The following ATXN1 variants were observed in gnomAD, a reference collection of about 807,000 sequenced individuals.
ATXN1 encodes ataxin 1, also known as ataxin-1.
A neutral mutation model predicts 56.4 loss-of-function variants in ATXN1; 8 were observed. That is an observed-to-expected ratio of 0.14 (90% CI 0.08 to 0.26). The LOEUF (loss-of-function observed/expected upper bound fraction) is 0.26. Ranked by LOEUF, ATXN1 falls within the 10% of genes least tolerant of loss-of-function variation. The probability of loss-of-function intolerance (pLI) is 1.00; values close to 1 mark genes in which losing one functional copy is unlikely to be tolerated. For missense variants in ATXN1, 987 were observed against 1,106.5 expected (o/e 0.89, Z 1.53); for synonymous variants, 514 against 494.6 (o/e 1.04, Z -0.52).
chr6:16,701,626 G>A (rs769931611), intron 2 of ATXN1, among the ~76,000 whole-genome samples: 7 of 152,130 alleles, frequency 4.6e-5, no homozygotes, highest in African/African-American at 1.2e-4. Context: ...GATAAGCAAC[G>A]TCAGCAAAGT....
In ATXN1 at chr6:16,347,163, G is replaced by A. The variant is rs553691701; in HGVS notation, c.-160-18693C>T. Among the ~76,000 whole-genome samples, 72 of 152,302 alleles carry A rather than the reference G, an allele frequency of 4.7e-4. No individual in the cohort carries two copies. The South Asian group carries it at 0.012, about 26-fold the overall frequency. ...CCTGTGCAGCCAGAGCCTCCCCGAC[G>A]AGCGCCGCCCCCTGCTCCACAGCGC... On this transcript the variant is annotated intron_variant, in intron 6 of 7. Transcript: ENST00000436367.
intron 6 of ATXN1, among the ~76,000 whole-genome samples, chr6:16,337,734 C>A (rs1761155525): frequency 6.6e-6 from 1 of 152,240 alleles, no homozygotes; most frequent in South Asian, 2.1e-4. Flanking sequence ...TGGTTGAAGG[C>A]TGGGAACAGT....
At chr6:16,374,169 G>T (rs1762102079) in intron 6 of ATXN1, among the ~76,000 whole-genome samples, 1 of 146,862 alleles carries the variant, frequency 6.8e-6, no homozygotes, top group Non-Finnish European at 1.5e-5. Context: ...CATAGACCCT[G>T]CTAAAAAGGA....
intron 6 of ATXN1, among the ~76,000 whole-genome samples, chr6:16,364,373 C>T (rs1370985480): frequency 6.6e-6 from 1 of 151,930 alleles, no homozygotes. Flanking sequence ...GGCGCGATCT[C>T]AGCTCACTGC....
chr6:16,535,347 T>C (rs1761576319), intron 4 of ATXN1, among the ~76,000 whole-genome samples: 2 of 152,210 alleles, frequency 1.3e-5, no homozygotes, highest in African/African-American at 2.4e-5. Flanking sequence ...AAGATGAGCA[T>C]GGAGCATCTT....
chr6:16,525,080 T>C (rs566867783), intron 4 of ATXN1, among the ~76,000 whole-genome samples: 1 of 152,214 alleles, frequency 6.6e-6, no homozygotes, highest in African/African-American at 2.4e-5. Flanking sequence ...ATTACCAGAA[T>C]GTGAGTACCT....
intron 6 of ATXN1, among the ~76,000 whole-genome samples, chr6:16,462,200 C>G (rs771612365): frequency 2.0e-5 from 3 of 152,146 alleles, no homozygotes; most frequent in Non-Finnish European, 2.9e-5. Context: ...CTCAGTAATC[C>G]TCTCTACCCC....
At chr6:16,355,811 G>A (rs563188057) in intron 6 of ATXN1, among the ~76,000 whole-genome samples, 7 of 152,030 alleles carry the variant, frequency 4.6e-5, no homozygotes, top group Admixed American at 1.3e-4. Context: ...TGATCCACCC[G>A]CCTTGGCCTC....
intron 6 of ATXN1, among the ~76,000 whole-genome samples, chr6:16,411,349 T>C (rs1272077799): frequency 6.6e-6 from 1 of 152,178 alleles, no homozygotes; most frequent in East Asian, 1.9e-4. Flanking sequence ...ATGACTTTAA[T>C]ATTGATATTG....
At position 16,693,438 on chromosome 6, in the gene ATXN1, T is replaced by C. The variant is rs558141828; in HGVS notation, c.-614-35537A>G. Among the ~76,000 whole-genome samples, 15 of 152,306 alleles carry C rather than the reference T, an allele frequency of 9.8e-5. No homozygotes were observed. In the East Asian group the frequency reaches 2.3e-3, roughly 24 times the overall value. On this transcript the variant is annotated intron_variant, in intron 2 of 7. Coordinates refer to ENST00000436367, the MANE Select transcript of ATXN1 (RefSeq NM_001128164.2). ...GCTTTGGAAGCTAAAAAGTGCTATA[T>C]ATACCATGTACATGTGAATTATCGT...
At chr6:16,311,832 GGT>G (rs1267005776) in intron 7 of ATXN1, among the ~76,000 whole-genome samples, 1 of 152,186 alleles carries the variant, frequency 6.6e-6, no homozygotes, top group East Asian at 1.9e-4. Context: ...AAAACTCTCA[GGT>G]GTTAACATCT....
At chr6:16,408,311 A>C (rs1388035802) in intron 6 of ATXN1, among the ~76,000 whole-genome samples, 2 of 152,204 alleles carry the variant, frequency 1.3e-5, no homozygotes, top group African/African-American at 2.4e-5. Flanking sequence ...GGCCTTGTGA[A>C]ATCTCAGTTA....
intron 6 of ATXN1, among the ~76,000 whole-genome samples, chr6:16,402,075 G>A (rs1758585112): frequency 6.6e-6 from 1 of 151,992 alleles, no homozygotes; most frequent in South Asian, 2.1e-4. Context: ...CCATTACCAC[G>A]AGAACAGCAT....
intron 2 of ATXN1, among the ~76,000 whole-genome samples, chr6:16,674,201 C>G (rs916617830): frequency 1.2e-4 from 19 of 152,212 alleles, no homozygotes; most frequent in Middle Eastern, 3.4e-3. Flanking sequence ...TATTCCCAGC[C>G]ACAGGCAAGG....
At chr6:16,338,002 A>G (rs1761161712) in intron 6 of ATXN1, among the ~76,000 whole-genome samples, 1 of 152,230 alleles carries the variant, frequency 6.6e-6, no homozygotes, top group Non-Finnish European at 1.5e-5. Flanking sequence ...AAGCATTCAC[A>G]TCCACTGTCC....
chr6:16,663,867 T>C (rs1027617228), intron 2 of ATXN1, among the ~76,000 whole-genome samples: 4 of 152,102 alleles, frequency 2.6e-5, no homozygotes, highest in African/African-American at 9.7e-5. Flanking sequence ...GGAATATTCT[T>C]TATTTTGGTC....
intron 2 of ATXN1, among the ~76,000 whole-genome samples, chr6:16,704,394 C>T (rs559695052): frequency 1.3e-5 from 2 of 152,298 alleles, no homozygotes; most frequent in African/African-American, 4.8e-5. Flanking sequence ...CTACTAACAG[C>T]TCCTGCGAGG....
At position 16,714,181 on chromosome 6, in the gene ATXN1, C is replaced by CCACACACA. The variant is rs70999343; in HGVS notation, c.-615+39044_-615+39051dup. Among the ~76,000 whole-genome samples, 168 of 137,644 alleles carry CCACACACA rather than the reference C, an allele frequency of 1.2e-3. 1 individual carries two copies. Among genetic ancestry groups the CCACACACA allele is most frequent in the South Asian group, 7.0e-3 (30 of 4,260 alleles). 90.3% of individuals were successfully genotyped at this position (137,644 alleles called of 152,430 possible). A position where few individuals can be genotyped will look rare whatever the true frequency, so the allele number is the denominator to read the frequency against. On this transcript the variant is annotated intron_variant, in intron 2 of 7. Transcript: ENST00000436367. The stretch of plus-strand genomic sequence containing the variant: ...AAAGAAAGAAAAAAAAAACCACACA[C>CCACACACA]CACACACACACACACACACACACAC...
intron 5 of ATXN1, among the ~76,000 whole-genome samples, chr6:16,505,577 G>T (rs1342286696): frequency 6.6e-6 from 1 of 152,138 alleles, no homozygotes; most frequent in Non-Finnish European, 1.5e-5. Flanking sequence ...AAAAAAGAAG[G>T]GGCCTTAATA....
Sources: gnomAD v4.1 joint callset for allele counts (sites outside exome capture counted in the v4.1 genomes callset) on GRCh38, gnomAD v4.1.1 for gene constraint, MANE v1.5 for transcripts, NCBI Gene and HGNC (gene_info 2026-07-23, HGNC 2026-07-21) for gene names.